CLIP1: variants seen among roughly 807,000 people sequenced by gnomAD.
CLIP1 encodes CAP-Gly domain-containing linker protein 1.
A neutral mutation model predicts 161.6 loss-of-function variants in CLIP1; 66 were observed. That is an observed-to-expected ratio of 0.41 (90% CI 0.33 to 0.50). CLIP1 has a LOEUF of 0.50. CLIP1 is among the 20% of genes least tolerant of loss of function. CLIP1 has a pLI of 0.27. For synonymous variants in CLIP1, 598 were observed against 626.2 expected (o/e 0.96, Z 0.67); for missense variants, 1,376 against 1,702.0 (o/e 0.81, Z 3.37).
chr12:122,278,415 G>GCT, intron 23 of CLIP1: 1 of 589,392 alleles, frequency 1.7e-6, no homozygotes, highest in Non-Finnish European at 3.0e-6. Context: ...CCCTTCACGT[G>GCT]CTCTCCCTCA....
intron 3 of CLIP1, among the ~76,000 whole-genome samples, chr12:122,375,440 C>T (rs1162761119): frequency 6.6e-6 from 1 of 152,134 alleles, no homozygotes; most frequent in Non-Finnish European, 1.5e-5. Context: ...CCTCAGCTTC[C>T]CAAGTAGCTG....
intron 3 of CLIP1, among the ~76,000 whole-genome samples, chr12:122,371,524 C>T (rs914524454): frequency 6.6e-6 from 1 of 152,206 alleles, no homozygotes; most frequent in African/African-American, 2.4e-5. Flanking sequence ...GGCAAAGGAA[C>T]AGCATCACCA....
At chr12:122,415,037 G>A (rs186688295) in intron 1 of CLIP1, among the ~76,000 whole-genome samples, 16 of 152,000 alleles carry the variant, frequency 1.1e-4, no homozygotes, top group African/African-American at 2.7e-4. Context: ...CAGCCTCGGC[G>A]ACGGAGTGAG....
chr12:122,405,680 C>T (rs367934699), intron 1 of CLIP1, among the ~76,000 whole-genome samples: 3 of 150,872 alleles, frequency 2.0e-5, no homozygotes, highest in Non-Finnish European at 2.9e-5. Context: ...CCCAGCTACT[C>T]GGGAGGCTGA....
In CLIP1 at chr12:122,360,960, A is replaced by T. The variant is rs766796511; in HGVS notation, c.1004T>A (p.Leu335Gln). The change falls in exon 5 of 26, where the codon CTA becomes CAA. Residue 335 changes from leucine (L) to glutamine (Q), a missense_variant and splice_region_variant. Leu to Gln is a moderately radical substitution (Grantham distance 113). Transcript: ENST00000620786. ...CAGGTAGTGAGAAAGGGGCCTTACTAGTCCTGTCCGACTGGGCCTGCTGCT... is the reference window on the plus strand; with the variant it reads ...CAGGTAGTGAGAAAGGGGCCTTACTTGTCCTGTCCGACTGGGCCTGCTGCT... ...SVSSRPSRTG[L>Q]LTETSSRYAR... The T allele has an allele frequency of 6.2e-7, 1 of 1,610,876 alleles. No homozygotes were observed. Among genetic ancestry groups the T allele is most frequent in the Admixed American group, 1.7e-5 (1 of 59,848 alleles).
At chr12:122,333,596 CG>C (rs1014772226) in intron 14 of CLIP1, among the ~76,000 whole-genome samples, 3 of 152,192 alleles carry the variant, frequency 2.0e-5, no homozygotes, top group African/African-American at 7.2e-5. Context: ...GTAAGGATCA[CG>C]GCTTTCCCTG....
rs539988504 is a variant in CLIP1 at position 122,380,299 on chromosome 12, T to A, written c.85+69A>T. ...AAGAATATGAACAGATATAAAATAATGTTTTAAAATTAAAAAGCAAATTGA... is the reference window on the plus strand; with the variant it reads ...AAGAATATGAACAGATATAAAATAAAGTTTTAAAATTAAAAAGCAAATTGA... On this transcript the variant is annotated intron_variant, in intron 2 of 25. Coordinates refer to ENST00000620786, the MANE Select transcript of CLIP1 (RefSeq NM_001247997.2). 8 of 970,872 alleles carry A rather than the reference T, an allele frequency of 8.2e-6. No homozygotes were observed. In the South Asian group the frequency reaches 1.3e-4, roughly 16 times the overall value. 60.1% of individuals were successfully genotyped at this position (970,872 alleles called of 1,614,324 possible).
At chr12:122,378,056 T>A in intron 2 of CLIP1, 96 bp from the exon 3 acceptor site, 1 of 1,067,836 alleles carries the variant, frequency 9.4e-7, no homozygotes, top group Non-Finnish European at 1.4e-6. Context: ...CCCACAGGAG[T>A]AGCCCAGAAC....
chr12:122,414,734 G>T (rs1274383980), intron 1 of CLIP1, among the ~76,000 whole-genome samples: 1 of 152,200 alleles, frequency 6.6e-6, no homozygotes, highest in East Asian at 1.9e-4. Context: ...AAAGTGCTGG[G>T]ATTTACAGGC....
intron 15 of CLIP1, among the ~76,000 whole-genome samples, chr12:122,328,679 G>A (rs1951808718): frequency 6.6e-6 from 1 of 152,112 alleles, no homozygotes; most frequent in Admixed American, 6.6e-5. Context: ...CCGCCTCCCG[G>A]GTTCATGCCA....
rs1015653778 is a variant in CLIP1, at chr12:122,272,014, G to A, written c.*861C>T. 1.3e-5 allele frequency: 2 copies of A among 152,494 alleles called. No homozygotes were observed. Among genetic ancestry groups the A allele is most frequent in the Non-Finnish European group, 2.9e-5 (2 of 68,022 alleles). The allele number at this position is 152,494 out of a possible 1,614,324, so 9.4% of individuals were successfully genotyped here. Reference sequence around the variant, plus strand: ...AAAGGAAAACAAACAAATGAAAATGGTTGCAAAGCCACAAGATGCTATGTC... The same window carrying A: ...AAAGGAAAACAAACAAATGAAAATGATTGCAAAGCCACAAGATGCTATGTC... On this transcript the variant is annotated 3_prime_UTR_variant, in exon 26 of 26. Coordinates refer to ENST00000620786, the MANE Select transcript of CLIP1 (RefSeq NM_001247997.2).
intron 21 of CLIP1, among the ~76,000 whole-genome samples, chr12:122,285,080 A>C (rs1955795215): frequency 6.6e-6 from 1 of 152,224 alleles, no homozygotes; most frequent in South Asian, 2.1e-4. Flanking sequence ...CCTCCTGAGT[A>C]GCTGGGACTA....
intron 3 of CLIP1, chr12:122,365,691 A>AAAAT: frequency 1.5e-6 from 1 of 669,120 alleles, no homozygotes; most frequent in Admixed American, 2.7e-5. Context: ...AAAAAAAAAA[A>AAAAT]AGAAAGAACT....
At position 122,355,420 on chromosome 12, in the gene CLIP1, C is replaced by G. The variant is rs1049180255; in HGVS notation, c.1006-108G>C. ...TGCTCGGCAAAGCAAGGGCGCTGCTCCAGCTGGCAGGCTGGCCAGGATTAG... is the reference window on the plus strand; with the variant it reads ...TGCTCGGCAAAGCAAGGGCGCTGCTGCAGCTGGCAGGCTGGCCAGGATTAG... On this transcript the variant is annotated intron_variant, in intron 5 of 25. Coordinates refer to ENST00000620786, the MANE Select transcript of CLIP1 (RefSeq NM_001247997.2). This position sits in a 1 kb window ranked among gnomAD's most constrained non-coding sequence, Gnocchi z 4.1. The G allele has an allele frequency of 7.3e-6, 7 of 957,180 alleles. No individual in the cohort carries two copies. The highest frequency in any genetic ancestry group is 4.7e-5 in the Admixed American group (2 of 42,250). 59.3% of individuals were successfully genotyped at this position (957,180 alleles called of 1,614,324 possible). A position where few individuals can be genotyped will look rare whatever the true frequency, so the allele number is the denominator to read the frequency against.
Position 122,279,426 on chromosome 12 carries a change from G to T in CLIP1, c.3648-281C>A. Reference sequence around the variant, plus strand: ...AAACAAGTTAATAAATTTGGAAGAGGTAGAATTAAAAAAAAAAAAAACGGT... The same window carrying T: ...AAACAAGTTAATAAATTTGGAAGAGTTAGAATTAAAAAAAAAAAAAACGGT... On this transcript the variant is annotated intron_variant, in intron 21 of 25. Coordinates refer to ENST00000620786, the MANE Select transcript of CLIP1 (RefSeq NM_001247997.2). This position sits in a 1 kb window ranked among gnomAD's most constrained non-coding sequence, Gnocchi z 4.5. 3 of 146,848 alleles carry T rather than the reference G, an allele frequency of 2.0e-5. No homozygotes were observed. The highest frequency in any genetic ancestry group is 4.2e-5 in the Non-Finnish European group (3 of 71,364). The allele number at this position is 146,848 out of a possible 1,614,324, so 9.1% of individuals were successfully genotyped here.
At position 122,341,136 on chromosome 12, in the gene CLIP1, T is replaced by G. The variant is rs1031812329; in HGVS notation, c.2068A>C (p.Lys690Gln). ...TTAGCCCTCAAGGCTTCCATCTCTT[T>G]AGCATGGGCAGCCCGTTCAGAGTCT... ...QQDSERAAHA[K>Q]EMEALRAKLM... Residue 690 changes from lysine to glutamine, a missense_variant, in exon 11 of 26, where the codon AAA becomes CAA. Transcript: ENST00000620786. The G allele has an allele frequency of 6.2e-7, 1 of 1,614,104 alleles. No individual in the cohort carries two copies. The highest frequency in any genetic ancestry group is 1.3e-5 in the African/African-American group (1 of 74,936).
chr12:122,365,458 T>C (rs568551575), intron 3 of CLIP1: 37 of 783,572 alleles, frequency 4.7e-5, no homozygotes, highest in Non-Finnish European at 7.5e-5. Flanking sequence ...AGAGCCAAGA[T>C]AGCTTCCTGA....
At chr12:122,365,253 A>G in intron 3 of CLIP1, 1 of 546,066 alleles carries the variant, frequency 1.8e-6, no homozygotes, top group Non-Finnish European at 3.2e-6. Flanking sequence ...AAATAAAAAT[A>G]AAAAAAAGAA....
At chr12:122,395,607 TG>T (rs1019940714) in intron 1 of CLIP1, 5 of 152,216 alleles carry the variant, frequency 3.3e-5, no homozygotes, top group African/African-American at 1.2e-4. Flanking sequence ...TCCTCCCATC[TG>T]AGATTAGCAG....
Sources: gnomAD v4.1 joint callset for allele counts (sites outside exome capture counted in the v4.1 genomes callset) on GRCh38, gnomAD v4.1.1 for gene constraint, Gnocchi (gnomAD v3.1) non-coding constraint, MANE v1.5 for transcripts, NCBI Gene and HGNC (gene_info 2026-07-23, HGNC 2026-07-21) for gene names.